Variants in TTC7A observed in about 807,000 individuals in gnomAD.
TTC7A encodes tetratricopeptide repeat protein 7A.
In TTC7A, 110 loss-of-function variants were observed where a neutral mutation model predicts 103.7. The observed-to-expected ratio is 1.06, with a 90% CI of 0.91 to 1.24. The LOEUF is 1.24. TTC7A is among the 50% of genes most tolerant of loss of function. The probability of loss-of-function intolerance (pLI) is 0.00; values close to 1 mark genes in which losing one functional copy is unlikely to be tolerated. For missense variants in TTC7A, 1,340 were observed against 1,116.3 expected, an observed-to-expected ratio of 1.20 and a Z score of -2.86; for synonymous variants, 521 against 467.9, an observed-to-expected ratio of 1.11 and a Z score of -1.47.
intron 3 of TTC7A, among the ~76,000 whole-genome samples, chr2:46,967,826 A>C (rs1157624279): frequency 2.6e-5 from 4 of 151,842 alleles, no homozygotes; most frequent in Non-Finnish European, 4.4e-5. Context: ...TAAATGTTCT[A>C]ATTTTAACAG....
chr2:47,052,880 T>G (rs1682982855), intron 18 of TTC7A, among the ~76,000 whole-genome samples: 1 of 152,188 alleles, frequency 6.6e-6, no homozygotes, highest in South Asian at 2.1e-4. Context: ...GGTGTGCTAT[T>G]GTCCCCAGGG....
At chr2:47,045,158 C>T (rs1682181178) in intron 15 of TTC7A, among the ~76,000 whole-genome samples, 1 of 152,214 alleles carries the variant, frequency 6.6e-6, no homozygotes. Context: ...GGAGGTGCTG[C>T]CGTCTGGCCC....
In TTC7A at chr2:47,024,362, G is replaced by C. The variant is rs370452371; in HGVS notation, c.1641+3G>C. ...TGCAGCTGGCCCTCGTCCGACAGGTGGGTTGTCCGTGTTCCTAACCCCCGG... is the reference window on the plus strand; with the variant it reads ...TGCAGCTGGCCCTCGTCCGACAGGTCGGTTGTCCGTGTTCCTAACCCCCGG... On this transcript the variant is annotated splice_donor_region_variant and intron_variant, in intron 14 of 19. Transcript: ENST00000319190. 2.5e-4 allele frequency: 408 copies of C among 1,604,750 alleles called. No homozygotes were observed. The highest frequency in any genetic ancestry group is 3.4e-4 in the Non-Finnish European group (401 of 1,175,922).
intron 5 of TTC7A, among the ~76,000 whole-genome samples, chr2:46,979,933 C>T (rs1005081974): frequency 6.6e-6 from 1 of 152,204 alleles, no homozygotes; most frequent in Non-Finnish European, 1.5e-5. Flanking sequence ...TGCGTAGTCA[C>T]GCCCTGCCTC....
At chr2:46,995,425 A>G (rs1043294992) in intron 8 of TTC7A, among the ~76,000 whole-genome samples, 1 of 152,232 alleles carries the variant, frequency 6.6e-6, no homozygotes, top group African/African-American at 2.4e-5. Context: ...CTGCCCCCAA[A>G]TAAGTAGAGA....
intron 11 of TTC7A, among the ~76,000 whole-genome samples, chr2:47,013,318 G>T (rs559241427): frequency 2.2e-4 from 33 of 152,188 alleles, no homozygotes; most frequent in African/African-American, 7.7e-4. Context: ...GAGGTAGGGC[G>T]ACCTTGTGAG....
chr2:46,960,474 T>G (rs975399735), intron 3 of TTC7A, among the ~76,000 whole-genome samples: 1 of 152,184 alleles, frequency 6.6e-6, no homozygotes, highest in African/African-American at 2.4e-5. Context: ...ATGTCTCTGA[T>G]GTATGTGCAT....
rs1187957604 is a variant in TTC7A at position 47,006,566 on chromosome 2, C to T, written c.1204-75C>T. On this transcript the variant is annotated intron_variant, in intron 9 of 19. Transcript: ENST00000319190. ...CCAAAAGCGGTGACTTGGGCAGTAA[C>T]TACCCTGGAAGGGTGCGGATGGCTG... 1.6e-5 allele frequency: 22 copies of T among 1,343,738 alleles called. 1 individual carries two copies. The Admixed American group carries it at 3.7e-4, about 23-fold the overall frequency. The allele number at this position is 1,343,738 out of a possible 1,614,324, so 83.2% of individuals were successfully genotyped here.
At chr2:46,961,903 C>T (rs975936434) in intron 3 of TTC7A, among the ~76,000 whole-genome samples, 8 of 152,068 alleles carry the variant, frequency 5.3e-5, no homozygotes, top group African/African-American at 1.9e-4. Context: ...AACAAGACTC[C>T]GTCTCAGAAA....
intron 19 of TTC7A, among the ~76,000 whole-genome samples, chr2:47,067,075 A>G (rs1445355645): frequency 2.0e-5 from 3 of 152,188 alleles, no homozygotes; most frequent in Non-Finnish European, 2.9e-5. Flanking sequence ...AGATAACAGC[A>G]TCAATCCATT....
Position 47,064,275 on chromosome 2 carries a change from A to C in TTC7A, c.2355+3304A>C, listed in dbSNP as rs187946013. 4.5e-3 allele frequency among the ~76,000 whole-genome samples: 688 copies of C among 152,338 alleles called. 5 individuals carry two copies. The highest frequency in any genetic ancestry group is 0.016 in the African/African-American group (652 of 41,576). ...GGAAACTGGCAAGTGTAGAAAGAAA[A>C]AGAAGTGTGCTCTCTGCAGTGGAAA... On this transcript the variant is annotated intron_variant, in intron 19 of 19. Transcript: ENST00000319190.
chr2:47,072,578 T>A (rs910575934), intron 19 of TTC7A, among the ~76,000 whole-genome samples: 1 of 152,194 alleles, frequency 6.6e-6, no homozygotes, highest in Non-Finnish European at 1.5e-5. Flanking sequence ...GCTAAAAATG[T>A]ACATGGCCGT....
chr2:47,029,533 G>T, intron 15 of TTC7A, 149 bp downstream of exon 15: 1 of 921,694 alleles, frequency 1.1e-6, no homozygotes, highest in Non-Finnish European at 1.7e-6. Context: ...AGACAGGGGT[G>T]AGGACAGGTG....
intron 2 of TTC7A, among the ~76,000 whole-genome samples, chr2:46,956,422 A>T (rs1216070670): frequency 6.6e-6 from 1 of 152,150 alleles, no homozygotes; most frequent in Non-Finnish European, 1.5e-5. Flanking sequence ...GACTCCCAAA[A>T]TGAGAAGCCT....
rs148653248 is a variant in TTC7A, at chr2:47,048,798, A to T, written c.1920-1151A>T. 1.3e-3 allele frequency among the ~76,000 whole-genome samples: 195 copies of T among 152,016 alleles called. No individual in the cohort carries two copies. In the East Asian group the frequency reaches 0.033, roughly 26 times the overall value. ...AAACATTTTTTGTAGAGATGGGGTC[A>T]TACTCTGTTATCCAAGCTGTTGTTG... On this transcript the variant is annotated intron_variant, in intron 16 of 19. Coordinates refer to ENST00000319190, the MANE Select transcript of TTC7A (RefSeq NM_020458.4).
At chr2:47,009,909 T>G (rs893553694) in intron 10 of TTC7A, among the ~76,000 whole-genome samples, 4,973 of 34,466 alleles carry the variant, frequency 0.14, 1 homozygote, top group Non-Finnish European at 0.19. Context: ...TTTTTGGTGG[T>G]GGGGGGGACA....
At chr2:47,045,717 G>T (rs977288005) in intron 15 of TTC7A, 6 of 152,350 alleles carry the variant, frequency 3.9e-5, no homozygotes, top group African/African-American at 1.4e-4. Flanking sequence ...GTATCTCCAG[G>T]GTCAGGAAGC....
intron 15 of TTC7A, 127 bp from the exon 16 acceptor site, chr2:47,046,188 C>G (rs1409433127): frequency 1.4e-6 from 1 of 725,794 alleles, no homozygotes; most frequent in Non-Finnish European, 2.4e-6. Context: ...AGGCTGCTGC[C>G]CTCATGGCAC....
At chr2:47,005,892 A>T in intron 8 of TTC7A, 30 bp from the exon 9 acceptor site, 1 of 1,612,934 alleles carries the variant, frequency 6.2e-7, no homozygotes, top group East Asian at 2.2e-5. Flanking sequence ...TACTCTCCTC[A>T]CTCTTTCCCA....
Sources: gnomAD v4.1 joint callset for allele counts (sites outside exome capture counted in the v4.1 genomes callset) on GRCh38, gnomAD v4.1.1 for gene constraint, MANE v1.5 for transcripts, NCBI Gene and HGNC (gene_info 2026-07-23, HGNC 2026-07-21) for gene names.